The following SLC9B1 variants were observed in gnomAD, a reference collection of about 807,000 sequenced individuals.
The protein encoded by SLC9B1 is sodium/hydrogen exchanger 9B1.
SLC9B1 carries 32 observed loss-of-function variants against 51.7 expected under a neutral mutation model. That is an observed-to-expected ratio of 0.62 (90% CI 0.47 to 0.83). The LOEUF is 0.83. SLC9B1 is among the 40% of genes least tolerant of loss of function. SLC9B1 has a pLI of 0.00. For synonymous variants in SLC9B1, 145 were observed against 212.7 expected (o/e 0.68, Z 2.77); for missense variants, 406 against 613.2 (o/e 0.66, Z 3.57).
At chr4:102,987,970 T>A (rs1263422528) in intron 3 of SLC9B1, among the ~76,000 whole-genome samples, 2 of 152,196 alleles carry the variant, frequency 1.3e-5, no homozygotes, top group African/African-American at 4.8e-5. Flanking sequence ...GACAGAGTGA[T>A]GACTTCTAAT....
chr4:102,898,129 C>T (rs888578520), downstream of SLC9B1: 22 of 499,416 alleles, frequency 4.4e-5, no homozygotes, highest in African/African-American at 4.2e-4. Flanking sequence ...CTTGAATCTC[C>T]AGAGCCTCGC....
chr4:102,962,051 C>T (rs1738165284), intron 3 of SLC9B1: 1 of 330,744 alleles, frequency 3.0e-6, no homozygotes. Context: ...TGCTCTCAGC[C>T]CCTGGCATCC....
rs190206665 is a variant in SLC9B1 at position 102,929,796 on chromosome 4, A to G, written c.829+2328T>C. On this transcript the variant is annotated intron_variant, in intron 7 of 11. Coordinates refer to ENST00000296422, the MANE Select transcript of SLC9B1 (RefSeq NM_139173.4). Reference sequence around the variant, plus strand: ...TTTGGCCTCCCAAAGTGTTGGGATTATAGGCGTGAGCCATTGGGCCCGGCC... The same window carrying G: ...TTTGGCCTCCCAAAGTGTTGGGATTGTAGGCGTGAGCCATTGGGCCCGGCC... Among the ~76,000 whole-genome samples, 13 of 152,370 alleles carry G rather than the reference A, an allele frequency of 8.5e-5. No homozygotes were observed. The East Asian group carries it at 2.5e-3, about 29-fold the overall frequency.
chr4:102,996,766 T>C (rs1272892618), intron 1 of SLC9B1, among the ~76,000 whole-genome samples: 3 of 152,084 alleles, frequency 2.0e-5, no homozygotes. Context: ...TTGTCTATCC[T>C]TAGGCTAACA....
chr4:103,019,356 A>G (rs1392013784), intron 1 of SLC9B1, among the ~76,000 whole-genome samples: 1 of 152,200 alleles, frequency 6.6e-6, no homozygotes, highest in Non-Finnish European at 1.5e-5. Context: ...AAATAAGAAA[A>G]ACAGGAGGAA....
intron 11 of SLC9B1, among the ~76,000 whole-genome samples, chr4:102,902,658 T>C (rs1302314459): frequency 6.6e-6 from 1 of 152,222 alleles, no homozygotes; most frequent in Non-Finnish European, 1.5e-5. Context: ...AAGCTTTCCA[T>C]TTATCAATTC....
chr4:102,901,950 G>C (rs1004883655), intron 11 of SLC9B1, among the ~76,000 whole-genome samples: 3 of 152,098 alleles, frequency 2.0e-5, no homozygotes, highest in Non-Finnish European at 4.4e-5. Flanking sequence ...CTTACTGAAT[G>C]GTTGTGAAAA....
chr4:102,932,611 C>T (rs746136148), intron 6 of SLC9B1, among the ~76,000 whole-genome samples: 49 of 151,974 alleles, frequency 3.2e-4, no homozygotes, highest in Non-Finnish European at 5.1e-4. Flanking sequence ...AAGGTGAATC[C>T]GCAATGGACA....
downstream of SLC9B1, among the ~76,000 whole-genome samples, chr4:102,898,427 T>C (rs1301760186): frequency 2.0e-5 from 3 of 152,348 alleles, no homozygotes; most frequent in African/African-American, 7.2e-5. Context: ...GATTACTTAC[T>C]GATTTGAAAA....
rs1433416707 is a variant in SLC9B1 at position 102,981,914 on chromosome 4, A to C, written c.211+7886T>G. Among the ~76,000 whole-genome samples, 5 of 152,124 alleles carry C rather than the reference A, an allele frequency of 3.3e-5. No homozygotes were observed. The East Asian group carries it at 9.6e-4, about 29-fold the overall frequency. On this transcript the variant is annotated intron_variant, in intron 3 of 11. Coordinates refer to ENST00000296422, the MANE Select transcript of SLC9B1 (RefSeq NM_139173.4). ...ATACATTTTAATGTTAAGGAAATCA[A>C]GTTTATCTATTATTTCTTTCATGGA...
At chr4:102,940,818 C>A (rs1736956802) in intron 6 of SLC9B1, among the ~76,000 whole-genome samples, 2 of 152,220 alleles carry the variant, frequency 1.3e-5, no homozygotes, top group South Asian at 4.1e-4. Context: ...AGAAATAAAG[C>A]CGCACACCTA....
At chr4:102,885,327 A>G in exon 12 of SLC9B1, 1 of 1,614,074 alleles carries the variant, frequency 6.2e-7, no homozygotes, top group Non-Finnish European at 8.5e-7. Flanking sequence ...AGCTTGATTA[A>G]TCTTAAAATA....
At chr4:102,933,602 G>A (rs893773542) in intron 6 of SLC9B1, among the ~76,000 whole-genome samples, 6 of 152,168 alleles carry the variant, frequency 3.9e-5, no homozygotes. Context: ...TTTCCCATGA[G>A]GTAGGGTGGG....
At chr4:102,981,444 G>A (rs1052671183) in intron 3 of SLC9B1, among the ~76,000 whole-genome samples, 3 of 152,078 alleles carry the variant, frequency 2.0e-5, no homozygotes, top group Admixed American at 6.6e-5. Flanking sequence ...ATCCAAAGGG[G>A]CTGTACAGTT....
intron 4 of SLC9B1, among the ~76,000 whole-genome samples, chr4:102,947,878 T>C (rs1317931256): frequency 6.6e-6 from 1 of 152,156 alleles, no homozygotes; most frequent in Non-Finnish European, 1.5e-5. Context: ...TATTAAACAA[T>C]GAAATAAATG....
intron 1 of SLC9B1, among the ~76,000 whole-genome samples, chr4:103,008,846 C>T (rs1264078475): frequency 1.6e-5 from 2 of 125,568 alleles, no homozygotes; most frequent in Non-Finnish European, 3.2e-5. Flanking sequence ...GTAGCCCAGG[C>T]GGGAGTGCAG....
At chr4:103,009,636 C>A (rs72665011) in intron 1 of SLC9B1, among the ~76,000 whole-genome samples, 1 of 152,148 alleles carries the variant, frequency 6.6e-6, no homozygotes, top group African/African-American at 2.4e-5. Flanking sequence ...ATAGTCTATT[C>A]TCTTATCTAC....
intron 3 of SLC9B1, among the ~76,000 whole-genome samples, chr4:102,974,923 T>C (rs1321923997): frequency 6.6e-6 from 1 of 152,246 alleles, no homozygotes; most frequent in Non-Finnish European, 1.5e-5. Context: ...TAGTAATGTA[T>C]TCTAAAAAAA....
At chr4:102,939,620 GTTATCAC>G (rs1736890457) in intron 6 of SLC9B1, among the ~76,000 whole-genome samples, 1 of 151,986 alleles carries the variant, frequency 6.6e-6, no homozygotes, top group Non-Finnish European at 1.5e-5. Context: ...CTTCAGGACA[GTTATCAC>G]TGATGATCAT....
Sources: gnomAD v4.1 joint callset for allele counts (sites outside exome capture counted in the v4.1 genomes callset) on GRCh38, gnomAD v4.1.1 for gene constraint, MANE v1.5 for transcripts, NCBI Gene and HGNC (gene_info 2026-07-23, HGNC 2026-07-21) for gene names.